DCP1B: variants seen among roughly 807,000 people sequenced by gnomAD.
The protein encoded by DCP1B is mRNA-decapping enzyme 1B.
A neutral mutation model predicts 60.5 loss-of-function variants in DCP1B; 47 were observed. The observed-to-expected ratio is 0.78, with a 90% CI of 0.61 to 0.99. The LOEUF (loss-of-function observed/expected upper bound fraction) is 0.99. Ranked by LOEUF, DCP1B falls within the 50% of genes least tolerant of loss-of-function variation. DCP1B has a pLI of 0.00. For missense variants in DCP1B, 725 were observed against 756.8 expected, an observed-to-expected ratio of 0.96 and a Z score of 0.49; for synonymous variants, 267 against 280.3, an observed-to-expected ratio of 0.95 and a Z score of 0.47.
chr12:1,990,043 T>A (rs2038956266), intron 3 of DCP1B, among the ~76,000 whole-genome samples: 1 of 152,212 alleles, frequency 6.6e-6, no homozygotes, highest in Non-Finnish European at 1.5e-5. Flanking sequence ...TCAAATGCAT[T>A]ATTTACTGCT....
At chr12:1,991,050 T>C in intron 3 of DCP1B, 1 of 454,232 alleles carries the variant, frequency 2.2e-6, no homozygotes, top group Admixed American at 2.4e-5. Context: ...CACTCTTTGT[T>C]GTTCAACTGA....
intron 5 of DCP1B, chr12:1,961,350 A>G (rs2031118567): frequency 6.6e-6 from 1 of 152,252 alleles, no homozygotes; most frequent in Non-Finnish European, 1.5e-5. Context: ...CTAGGAAAGT[A>G]GCGTGATCAT....
intron 3 of DCP1B, among the ~76,000 whole-genome samples, chr12:1,988,823 T>C (rs1363050774): frequency 2.0e-5 from 3 of 152,238 alleles, no homozygotes; most frequent in Non-Finnish European, 4.4e-5. Flanking sequence ...TATAGCAGTT[T>C]TTCCCAGATC....
chr12:1,954,054 C>T lies in DCP1B; in HGVS notation c.652-766G>A, dbSNP rs143055552. 5.9e-5 allele frequency among the ~76,000 whole-genome samples: 9 copies of T among 152,180 alleles called. No homozygotes were observed. The East Asian group carries it at 7.7e-4, about 13-fold the overall frequency. ...AGAAATTGCCAGATGTGGCAGCACACGCCTGTAGTCCCAGCTACTTGGGAG... is the reference window on the plus strand; with the variant it reads ...AGAAATTGCCAGATGTGGCAGCACATGCCTGTAGTCCCAGCTACTTGGGAG... On this transcript the variant is annotated intron_variant, in intron 6 of 8. Transcript: ENST00000280665.
intron 5 of DCP1B, among the ~76,000 whole-genome samples, chr12:1,958,582 C>T (rs1478212129): frequency 6.6e-6 from 1 of 150,728 alleles, no homozygotes; most frequent in Non-Finnish European, 1.5e-5. Context: ...GAAAAGCTCC[C>T]TAACGTCGCT....
intron 3 of DCP1B, chr12:1,991,801 TTG>T (rs2039497752): frequency 6.4e-6 from 1 of 155,146 alleles, no homozygotes; most frequent in Admixed American, 6.4e-5. Flanking sequence ...TTTTATATTT[TTG>T]GTATAGTAGT....
At chr12:1,955,397 G>C in intron 6 of DCP1B, 35 bp downstream of exon 6, 1 of 1,593,196 alleles carries the variant, frequency 6.3e-7, no homozygotes, top group African/African-American at 1.3e-5. Flanking sequence ...GAATTCTAGA[G>C]ACACACTGAA....
chr12:1,953,133 C>T lies in DCP1B; in HGVS notation c.807G>A (p.Gly269=). Reference sequence around the variant, plus strand: ...CCTCATAGGACAGGGAGCGTACAACCCCCTGCCTAATTGGAAGCTTCTCTT... The same window carrying T: ...CCTCATAGGACAGGGAGCGTACAACTCCCTGCCTAATTGGAAGCTTCTCTT... ...QQQEKLPIRQ[G]VVRSLSYEEP... The change falls in exon 7 of 9, where the codon GGG becomes GGA. Residue 269 remains glycine (G), a synonymous_variant. Transcript: ENST00000280665. The T allele has an allele frequency of 6.2e-7, 1 of 1,612,622 alleles. No homozygotes were observed. The highest frequency in any genetic ancestry group is 8.5e-7 in the Non-Finnish European group (1 of 1,179,800).
chr12:1,980,575 T>C (rs2035818586), intron 3 of DCP1B, among the ~76,000 whole-genome samples: 2 of 151,890 alleles, frequency 1.3e-5, no homozygotes, highest in Admixed American at 6.6e-5. Flanking sequence ...AAGTTTTTAA[T>C]TTGATGAAAT....
At chr12:1,957,479 C>G (rs1012460530) in intron 5 of DCP1B, among the ~76,000 whole-genome samples, 1 of 152,060 alleles carries the variant, frequency 6.6e-6, no homozygotes, top group Non-Finnish European at 1.5e-5. Flanking sequence ...TGAATTCTAT[C>G]ATTCAACAAA....
chr12:1,942,744 G>A (rs1259843888), downstream of DCP1B, among the ~76,000 whole-genome samples: 2 of 152,138 alleles, frequency 1.3e-5, no homozygotes, highest in African/African-American at 4.8e-5. Context: ...TGAAACCAGG[G>A]AAAACAAAGA....
chr12:1,952,563 T>C lies in DCP1B; in HGVS notation c.1377A>G (p.Val459=). 1 of 1,614,176 alleles carries C rather than the reference T, an allele frequency of 6.2e-7. No individual in the cohort carries two copies. Among genetic ancestry groups the C allele is most frequent in the Non-Finnish European group, 8.5e-7 (1 of 1,180,024 alleles). ...PQELLKKLQI[V]QQEQQLHASN... ...AGGCATGCAGCTGCTGCTCCTGCTG[T>C]ACAATCTGAAGCTTCTTCAGTAACT... Residue 459 remains valine, a synonymous_variant, in exon 7 of 9, where the codon GTA becomes GTG. Coordinates refer to ENST00000280665, the MANE Select transcript of DCP1B (RefSeq NM_152640.5).
rs1330643483 is a variant in DCP1B, at chr12:1,966,503, T to C, written c.387-810A>G. Among the ~76,000 whole-genome samples the C allele has an allele frequency of 4.6e-5, 7 of 152,282 alleles. No homozygotes were observed. The East Asian group carries it at 9.6e-4, about 21-fold the overall frequency. The stretch of plus-strand genomic sequence containing the variant: ...AAGTTTACGGTAACAAAGATCTGAG[T>C]ACTTACTGAGAGACTTAATTCTAAC... On this transcript the variant is annotated intron_variant, in intron 4 of 8. Coordinates refer to ENST00000280665, the MANE Select transcript of DCP1B (RefSeq NM_152640.5).
At chr12:1,967,730 A>G in intron 4 of DCP1B, 114 bp downstream of exon 4, 1 of 857,560 alleles carries the variant, frequency 1.2e-6, no homozygotes, top group African/African-American at 1.7e-5. Flanking sequence ...CTAACCAGTG[A>G]AAAGGACTGC....
At position 2,004,456 on chromosome 12, in the gene DCP1B, A is replaced by G; in HGVS notation, c.-25T>C. ...TCTTCCCTCCCTCCCAGACATAGGC[A>G]CGGGGCTCTTGGAAGCCACTCTCAA... On this transcript the variant is annotated 5_prime_UTR_variant, in exon 1 of 9. Coordinates refer to ENST00000280665, the MANE Select transcript of DCP1B (RefSeq NM_152640.5). 1.3e-6 allele frequency: 2 copies of G among 1,592,724 alleles called. No individual in the cohort carries two copies. Among genetic ancestry groups the G allele is most frequent in the Non-Finnish European group, 1.7e-6 (2 of 1,169,952 alleles).
intron 1 of DCP1B, among the ~76,000 whole-genome samples, chr12:2,003,421 T>C (rs111465510): frequency 2.0e-5 from 3 of 152,222 alleles, no homozygotes; most frequent in East Asian, 3.8e-4. Context: ...TGATACATAA[T>C]GGATGATGAA....
At chr12:1,991,789 G>A (rs1312102277) in intron 3 of DCP1B, 1 of 154,794 alleles carries the variant, frequency 6.5e-6, no homozygotes, top group African/African-American at 2.4e-5. Context: ...GAGAGTTTGT[G>A]TTTTTATATT....
chr12:1,959,776 G>A (rs1409261047), intron 5 of DCP1B, among the ~76,000 whole-genome samples: 4 of 152,048 alleles, frequency 2.6e-5, no homozygotes, highest in East Asian at 3.9e-4. Flanking sequence ...TGGCTAACAC[G>A]GTGAAACCCC....
At chr12:1,944,021 G>A (rs2030345462), downstream of DCP1B, among the ~76,000 whole-genome samples, 1 of 152,172 alleles carries the variant, frequency 6.6e-6, no homozygotes, top group Non-Finnish European at 1.5e-5. Flanking sequence ...TGACATGACT[G>A]TATATTTAGA....
Sources: gnomAD v4.1 joint callset for allele counts (sites outside exome capture counted in the v4.1 genomes callset) on GRCh38, gnomAD v4.1.1 for gene constraint, MANE v1.5 for transcripts, NCBI Gene and HGNC (gene_info 2026-07-23, HGNC 2026-07-21) for gene names.